The following CNBD1 variants were observed in gnomAD, a reference collection of about 807,000 sequenced individuals.
CNBD1 encodes cyclic nucleotide binding domain containing 1, also known as cyclic nucleotide-binding domain-containing protein 1.
A neutral mutation model predicts 54.4 loss-of-function variants in CNBD1; 71 were observed. The observed-to-expected ratio is 1.30, with a 90% CI of 1.08 to 1.59. The LOEUF is 1.59. Ranked by LOEUF, CNBD1 falls within the 40% of genes most tolerant of loss-of-function variation. The pLI is 0.00. For missense variants in CNBD1, 659 were observed against 518.0 expected (o/e 1.27, Z -2.64); for synonymous variants, 182 against 170.7 (o/e 1.07, Z -0.51).
At chr8:87,400,151 T>C (rs1807528999) in intron 2 of CNBD1, among the ~76,000 whole-genome samples, 1 of 151,972 alleles carries the variant, frequency 6.6e-6, no homozygotes, top group African/African-American at 2.4e-5. Flanking sequence ...TTCTCATAGA[T>C]TTTGTGAACT....
chr8:87,325,814 A>G (rs1438942137), intron 8 of CNBD1, among the ~76,000 whole-genome samples: 2 of 148,698 alleles, frequency 1.3e-5, no homozygotes, highest in Non-Finnish European at 3.0e-5. Context: ...TTTAAAGTTT[A>G]TATTGTTATG....
At chr8:87,422,074 G>T (rs556250637) in intron 2 of CNBD1, among the ~76,000 whole-genome samples, 69,712 of 130,968 alleles carry the variant, frequency 0.53, 20,289 homozygotes, top group African/African-American at 0.73. Context: ...AAATGTCTTT[G>T]TTTGAGAAGT....
chr8:86,975,737 A>T (rs1485447197), intron 4 of CNBD1, among the ~76,000 whole-genome samples: 1 of 151,920 alleles, frequency 6.6e-6, no homozygotes, highest in Non-Finnish European at 1.5e-5. Flanking sequence ...TCCGTTGGAG[A>T]TATACTCAAA....
At chr8:87,064,849 ACAGAC>A (rs1402800277) in intron 4 of CNBD1, among the ~76,000 whole-genome samples, 5 of 151,944 alleles carry the variant, frequency 3.3e-5, no homozygotes, top group African/African-American at 1.2e-4. Context: ...CTTTAGTACA[ACAGAC>A]ATTAATTTAA....
chr8:86,961,378 A>G (rs772382202), intron 4 of CNBD1, among the ~76,000 whole-genome samples: 1 of 152,248 alleles, frequency 6.6e-6, no homozygotes, highest in Non-Finnish European at 1.5e-5. Flanking sequence ...AAAGGAGAAC[A>G]TCACAAGTTA....
At chr8:87,427,775 C>T (rs1021712700) in intron 2 of CNBD1, among the ~76,000 whole-genome samples, 3 of 152,116 alleles carry the variant, frequency 2.0e-5, no homozygotes, top group South Asian at 2.1e-4. Flanking sequence ...TGTTTTCACT[C>T]GTCTGTCTTC....
chr8:87,025,082 G>A (rs2130583001), intron 4 of CNBD1, among the ~76,000 whole-genome samples: 2 of 152,138 alleles, frequency 1.3e-5, no homozygotes, highest in South Asian at 4.2e-4. Flanking sequence ...GGTAGGGTGG[G>A]GACTTGGAGA....
At chr8:87,287,059 T>G (rs1390297769) in intron 8 of CNBD1, among the ~76,000 whole-genome samples, 1 of 152,158 alleles carries the variant, frequency 6.6e-6, no homozygotes, top group Non-Finnish European at 1.5e-5. Context: ...GGATAACTAT[T>G]TAAGCAGCAA....
intron 6 of CNBD1, among the ~76,000 whole-genome samples, chr8:87,264,698 G>T (rs1178003337): frequency 6.6e-6 from 1 of 152,074 alleles, no homozygotes; most frequent in African/African-American, 2.4e-5. Flanking sequence ...ATTCTAACTG[G>T]TGTGAGATGA....
At position 87,079,058 on chromosome 8, in the gene CNBD1, T is replaced by C. The variant is rs535578911; in HGVS notation, c.432-126935T>C. Among the ~76,000 whole-genome samples the C allele has an allele frequency of 2.0e-5, 3 of 152,188 alleles. No individual in the cohort carries two copies. The East Asian group carries it at 5.8e-4, about 29-fold the overall frequency. On this transcript the variant is annotated intron_variant, in intron 4 of 10. Transcript: ENST00000518476. The stretch of plus-strand genomic sequence containing the variant: ...CCCAGGAAACTACCAATTTTTTTTT[T>C]TGGTCAGTATGATTAGTTTCCAATT...
At chr8:87,134,633 C>T (rs1268108584) in intron 4 of CNBD1, among the ~76,000 whole-genome samples, 9 of 111,178 alleles carry the variant, frequency 8.1e-5, no homozygotes, top group Non-Finnish European at 1.0e-4. Context: ...GATGGAGTCT[C>T]GCTGTGTCAC....
chr8:87,088,877 A>G (rs1811152257), intron 4 of CNBD1, among the ~76,000 whole-genome samples: 1 of 152,140 alleles, frequency 6.6e-6, no homozygotes, highest in South Asian at 2.1e-4. Flanking sequence ...TCTTTAAAAA[A>G]CTGACAATCT....
At chr8:87,239,603 A>G (rs371555108) in intron 6 of CNBD1, among the ~76,000 whole-genome samples, 4 of 152,148 alleles carry the variant, frequency 2.6e-5, no homozygotes, top group East Asian at 1.9e-4. Context: ...CTTCAATTTC[A>G]CCCTCCAACA....
intron 4 of CNBD1, among the ~76,000 whole-genome samples, chr8:87,017,403 A>T (rs1261492044): frequency 6.6e-6 from 1 of 152,118 alleles, no homozygotes; most frequent in Non-Finnish European, 1.5e-5. Context: ...AATGGCAAAA[A>T]CCGTAAGTAT....
chr8:87,190,102 A>C (rs916403221), intron 4 of CNBD1, among the ~76,000 whole-genome samples: 1 of 152,170 alleles, frequency 6.6e-6, no homozygotes, highest in African/African-American at 2.4e-5. Context: ...CTTTAATTAA[A>C]ATGAACTTTT....
intron 2 of CNBD1, among the ~76,000 whole-genome samples, chr8:86,904,593 T>C (rs4960993): frequency 0.071 from 10,776 of 152,082 alleles, 531 homozygotes; most frequent in East Asian, 0.22. Flanking sequence ...AAAAGCATCG[T>C]AGGTAATTTC....
intron 3 of CNBD1, among the ~76,000 whole-genome samples, chr8:86,911,712 A>T (rs770367585): frequency 1.3e-5 from 2 of 152,152 alleles, no homozygotes; most frequent in Admixed American, 1.3e-4. Context: ...ATATTTAGAA[A>T]ACCTTAAAGA....
At chr8:87,088,112 G>A (rs2130675580) in intron 4 of CNBD1, among the ~76,000 whole-genome samples, 1 of 152,236 alleles carries the variant, frequency 6.6e-6, no homozygotes, top group African/African-American at 2.4e-5. Context: ...TTGTATGTGT[G>A]TCTGCTTATG....
At chr8:87,330,078 A>G (rs191043661) in intron 8 of CNBD1, among the ~76,000 whole-genome samples, 3 of 151,876 alleles carry the variant, frequency 2.0e-5, no homozygotes, top group Non-Finnish European at 2.9e-5. Flanking sequence ...AGAGTTTTTA[A>G]TCTAGGCTTT....
Sources: gnomAD v4.1 joint callset for allele counts (sites outside exome capture counted in the v4.1 genomes callset) on GRCh38, gnomAD v4.1.1 for gene constraint, MANE v1.5 for transcripts, NCBI Gene and HGNC (gene_info 2026-07-23, HGNC 2026-07-21) for gene names.